CPLANE1: variants seen among roughly 807,000 people sequenced by gnomAD.
CPLANE1 encodes ciliogenesis and planar polarity effector 1.
In CPLANE1, 263 loss-of-function variants were observed where a neutral mutation model predicts 362.5. The ratio of observed to expected loss-of-function variants is 0.73; its 90% CI spans 0.66 to 0.80. CPLANE1 has a LOEUF of 0.80. CPLANE1 is among the 30% of genes least tolerant of loss of function. CPLANE1 has a pLI of 0.00. For synonymous variants in CPLANE1, 1,212 were observed against 1,302.6 expected, an observed-to-expected ratio of 0.93 and a Z score of 1.50; for missense variants, 3,461 against 3,793.4, an observed-to-expected ratio of 0.91 and a Z score of 2.30.
At chr5:37,148,424 CAG>C (rs1772406804) in intron 42 of CPLANE1, among the ~76,000 whole-genome samples, 156 bp from the exon 43 acceptor site, 2 of 152,162 alleles carry the variant, frequency 1.3e-5, no homozygotes, top group South Asian at 4.1e-4. Context: ...ATCAATAAAA[CAG>C]AGGAAATTTT....
rs1032256723 is a variant in CPLANE1, at chr5:37,227,579, T to A, written c.1360A>T (p.Ile454Leu). The change falls in exon 10 of 53, where the codon ATA becomes TTA. Residue 454 changes from isoleucine (I) to leucine (L), a missense_variant. Around this residue, in one of 2 missense-constraint regions of CPLANE1, gnomAD observed 3,380 missense variants for 3,666.1 expected, o/e 0.92. Coordinates refer to ENST00000651892, the MANE Select transcript of CPLANE1 (RefSeq NM_001384732.1). ...QRLEKIYQSVILSKPKGKGLN... is the reference protein window; with the variant it reads ...QRLEKIYQSVLLSKPKGKGLN... ...AAAAAGCACTATACCTTAGACAATA[T>A]CACACTTTGATATATTTTCTCAAGC... 9 of 1,550,490 alleles carry A rather than the reference T, an allele frequency of 5.8e-6. No individual in the cohort carries two copies. The highest frequency in any genetic ancestry group is 7.8e-6 in the Non-Finnish European group (9 of 1,146,556).
chr5:37,087,703 G>A, the CPLANE1 span, among the ~76,000 whole-genome samples: 3 of 152,144 alleles, frequency 2.0e-5, no homozygotes, highest in Non-Finnish European at 4.4e-5. Context: ...TGATCCACCC[G>A]CCTCAGCCTC....
rs746748652 is a variant in CPLANE1 at position 37,162,525 on chromosome 5, T to G, written c.7630A>C (p.Met2544Leu). 3 of 1,612,836 alleles carry G rather than the reference T, an allele frequency of 1.9e-6. No individual in the cohort carries two copies. In the Middle Eastern group the frequency reaches 5.0e-4, roughly 266 times the overall value. The part of the protein sequence containing the change: ...DDNTSAGLHF[M>L]ASVKKKAIGS... ...ATAGCTTTCTTTTTTACAGAGGCCA[T>G]GAAATGCAATCCAGCTGAAGTATTA... The change falls in exon 38 of 53, where the codon ATG (methionine) becomes CTG (leucine). Residue 2544 changes from methionine (M) to leucine (L), a missense_variant. This residue lies in a region of CPLANE1 where 3,380 missense variants were observed against 3,666.1 expected (regional missense o/e 0.92). Coordinates refer to ENST00000651892, the MANE Select transcript of CPLANE1 (RefSeq NM_001384732.1).
the CPLANE1 span, among the ~76,000 whole-genome samples, chr5:37,099,834 T>G: frequency 6.6e-6 from 1 of 152,184 alleles, no homozygotes; most frequent in Non-Finnish European, 1.5e-5. Flanking sequence ...ATTATCTCAT[T>G]GTGGTTTTAA....
chr5:37,180,443 T>G (rs915809639), intron 27 of CPLANE1, among the ~76,000 whole-genome samples: 3 of 152,154 alleles, frequency 2.0e-5, no homozygotes, highest in African/African-American at 7.2e-5. Flanking sequence ...ACATCATAGT[T>G]TTTATTTACT....
intron 8 of CPLANE1, among the ~76,000 whole-genome samples, chr5:37,235,589 T>TTTTA (rs1798797251): frequency 8.7e-6 from 1 of 114,702 alleles, no homozygotes; most frequent in Admixed American, 8.5e-5. Flanking sequence ...TTTTTTTTTT[T>TTTTA]TGCAATGGAG....
intron 16 of CPLANE1, among the ~76,000 whole-genome samples, chr5:37,208,385 T>A (rs1296122798): frequency 1.3e-5 from 2 of 152,214 alleles, no homozygotes; most frequent in South Asian, 4.1e-4. Flanking sequence ...TTATTAAGAG[T>A]TCGGCTTAGA....
chr5:37,124,920 A>C (rs1763731416), intron 47 of CPLANE1: 1 of 1,073,610 alleles, frequency 9.3e-7, no homozygotes, highest in African/African-American at 1.7e-5. Flanking sequence ...CGCAACTGCC[A>C]ATGACTCTCA....
intron 28 of CPLANE1, 124 bp from the exon 29 acceptor site, chr5:37,179,567 T>C (rs1052658154): frequency 1.8e-5 from 12 of 662,630 alleles, no homozygotes; most frequent in Non-Finnish European, 2.9e-5. Flanking sequence ...ATCCTTTTTA[T>C]AAAGACAGTC....
Position 37,140,444 on chromosome 5 carries a change from C to T in CPLANE1, c.8633-1074G>A, listed in dbSNP as rs1769330694. 4 of 985,102 alleles carry T rather than the reference C, an allele frequency of 4.1e-6. No homozygotes were observed. In the South Asian group the frequency reaches 1.9e-4, roughly 46 times the overall value. 61.0% of individuals were successfully genotyped at this position (985,102 alleles called of 1,614,324 possible). On this transcript the variant is annotated intron_variant, in intron 44 of 52. Coordinates refer to ENST00000651892, the MANE Select transcript of CPLANE1 (RefSeq NM_001384732.1). The stretch of plus-strand genomic sequence containing the variant: ...GTTAAGAGCAACTAATTCAATTTAA[C>T]TAAGAGAGAAATATTTCACATAAAT...
At chr5:37,116,111 A>G (rs1031636922) in intron 50 of CPLANE1, among the ~76,000 whole-genome samples, 5 of 151,622 alleles carry the variant, frequency 3.3e-5, no homozygotes, top group African/African-American at 1.2e-4. Context: ...ACATGGCAAG[A>G]CTCCGTCTCT....
chr5:37,095,150 A>G, the CPLANE1 span, among the ~76,000 whole-genome samples: 3 of 152,218 alleles, frequency 2.0e-5, no homozygotes, highest in Non-Finnish European at 4.4e-5. Flanking sequence ...CTACAGACCA[A>G]TATCTCTGAT....
chr5:37,080,441 GT>G, the CPLANE1 span, among the ~76,000 whole-genome samples: 2 of 152,118 alleles, frequency 1.3e-5, no homozygotes, highest in Admixed American at 6.5e-5. Flanking sequence ...TAATTTGGGG[GT>G]TTTTTTCCAA....
At chr5:37,228,316 T>C (rs1368059057) in intron 9 of CPLANE1, among the ~76,000 whole-genome samples, 2 of 152,186 alleles carry the variant, frequency 1.3e-5, no homozygotes, top group African/African-American at 2.4e-5. Context: ...ATTGTTATTA[T>C]GATGTACCTG....
chr5:37,164,423 G>A (rs1165160938), intron 36 of CPLANE1, 96 bp from the exon 37 acceptor site: 3 of 838,778 alleles, frequency 3.6e-6, no homozygotes, highest in Admixed American at 2.3e-5. Flanking sequence ...GAATTCTCAT[G>A]TATAACTTCA....
chr5:37,157,715 C>T lies in CPLANE1; in HGVS notation c.7966G>A (p.Ala2656Thr). 1 of 1,613,844 alleles carries T rather than the reference C, an allele frequency of 6.2e-7. No individual in the cohort carries two copies. Among genetic ancestry groups the T allele is most frequent in the Non-Finnish European group, 8.5e-7 (1 of 1,179,910 alleles). The change falls in exon 40 of 53, where the codon GCT (alanine) becomes ACT (threonine). Residue 2656 changes from alanine to threonine, a missense_variant. Around this residue, in one of 2 missense-constraint regions of CPLANE1, gnomAD observed 3,380 missense variants for 3,666.1 expected, o/e 0.92. Coordinates refer to ENST00000651892, the MANE Select transcript of CPLANE1 (RefSeq NM_001384732.1). Reference sequence around the variant, plus strand: ...GGGGGAACAGCATTAGTAACTGAAGCTGCCATATAATGTAACTCTGCAGAC... The same window carrying T: ...GGGGGAACAGCATTAGTAACTGAAGTTGCCATATAATGTAACTCTGCAGAC... ...PSSAELHYMA[A>T]SVTNAVPPHN...
rs991434650 is a variant in CPLANE1, at chr5:37,217,417, C to T, written c.2747-3685G>A. Among the ~76,000 whole-genome samples the T allele has an allele frequency of 5.3e-5, 8 of 151,644 alleles. No homozygotes were observed. In the East Asian group the frequency reaches 1.5e-3, roughly 29 times the overall value. On this transcript the variant is annotated intron_variant, in intron 15 of 52. Coordinates refer to ENST00000651892, the MANE Select transcript of CPLANE1 (RefSeq NM_001384732.1). ...GGTCAGGAGTTAGAGACCAGCCTGG[C>T]CAATATGGTGAAACCCCGTCTCTAC... is the stretch of plus-strand genomic sequence containing the variant.
At chr5:37,183,773 G>GAAA in intron 25 of CPLANE1, 74 bp from the exon 26 acceptor site, 2 of 1,053,324 alleles carry the variant, frequency 1.9e-6, no homozygotes, top group Non-Finnish European at 2.7e-6. Context: ...AATTGACATG[G>GAAA]AAAATTCTCT....
chr5:37,237,259 A>C (rs1799208380), intron 8 of CPLANE1, among the ~76,000 whole-genome samples: 1 of 152,198 alleles, frequency 6.6e-6, no homozygotes, highest in Non-Finnish European at 1.5e-5. Context: ...ATGGAATGCT[A>C]CTCTGCCATA....
Sources: gnomAD v4.1 joint callset for allele counts (sites outside exome capture counted in the v4.1 genomes callset) on GRCh38, gnomAD v4.1.1 for gene constraint, gnomAD v4.1.1 regional missense constraint, MANE v1.5 for transcripts, NCBI Gene and HGNC (gene_info 2026-07-23, HGNC 2026-07-21) for gene names.